The following FSIP2 variants were observed in gnomAD, a reference collection of about 807,000 sequenced individuals.
FSIP2 encodes the protein fibrous sheath interacting protein 2.
A neutral mutation model predicts 510.5 loss-of-function variants in FSIP2; 367 were observed. The observed-to-expected ratio is 0.72, with a 90% CI of 0.66 to 0.78. FSIP2 has a LOEUF of 0.78. Ranked by LOEUF, FSIP2 falls within the 30% of genes least tolerant of loss-of-function variation. The pLI, the probability that FSIP2 is intolerant of heterozygous loss-of-function variation, is 0.00. For missense variants in FSIP2, 7,594 were observed against 7,901.7 expected, an observed-to-expected ratio of 0.96 and a Z score of 1.48; for synonymous variants, 2,601 against 2,732.2, an observed-to-expected ratio of 0.95 and a Z score of 1.50.
At chr2:185,744,710 A>G in intron 4 of FSIP2, 1 of 156,242 alleles carries the variant, frequency 6.4e-6, no homozygotes, top group Non-Finnish European at 1.4e-5. Flanking sequence ...AATAACAAAC[A>G]TCTCTTGTGG....
rs1334348595 is a variant in FSIP2, at chr2:185,788,932, T to C, written c.1796T>C (p.Ile599Thr). 6.5e-7 allele frequency: 1 copy of C among 1,534,924 alleles called. No homozygotes were observed. The highest frequency in any genetic ancestry group is 1.4e-5 in the African/African-American group (1 of 72,924). Reference protein sequence around the residue: ...DTSVRRPTTPIKPPPAHVEKT... With the variant: ...DTSVRRPTTPTKPPPAHVEKT... Reference sequence around the variant, plus strand: ...TCAGTAAGGAGACCAACCACACCTATAAAACCTCCTCCTGCACATGTGGAA... The same window carrying C: ...TCAGTAAGGAGACCAACCACACCTACAAAACCTCCTCCTGCACATGTGGAA... The change falls in exon 16 of 23, where the codon ATA becomes ACA. Residue 599 changes from isoleucine to threonine, a missense_variant. Coordinates refer to ENST00000424728, the MANE Select transcript of FSIP2 (RefSeq NM_173651.4).
chr2:185,745,539 T>A lies in FSIP2; in HGVS notation c.588T>A (p.Ile196=), dbSNP rs1692011917. The A allele has an allele frequency of 6.5e-7, 1 of 1,535,692 alleles. No homozygotes were observed. ...TGTTAAAGGAGGGCACTGAATCTATTAAGGACCAGGAGCGGCTGATGAGGC... is the reference window on the plus strand; with the variant it reads ...TGTTAAAGGAGGGCACTGAATCTATAAAGGACCAGGAGCGGCTGATGAGGC... ...NWLLKEGTES[I]KDQERLMRHR... is the part of the protein sequence containing the mutation. The change falls in exon 5 of 23, where the codon ATT becomes ATA. Residue 196 remains isoleucine (I), a synonymous_variant. Coordinates refer to ENST00000424728, the MANE Select transcript of FSIP2 (RefSeq NM_173651.4).
chr2:185,806,193 A>T lies in FSIP2; in HGVS notation c.16887A>T (p.Leu5629Phe). The T allele has an allele frequency of 6.3e-7, 1 of 1,593,410 alleles. No homozygotes were observed. The highest frequency in any genetic ancestry group is 8.5e-7 in the Non-Finnish European group (1 of 1,173,714). ...AAAAAGATGACAAGCTCTTTCAGTT[A>T]TCCTCCTTGAAGTCCAAGAGAAATC... ...SFKKDDKLFQ[L>F]SSLKSKRNLG... The change falls in exon 17 of 23, where the codon TTA becomes TTT. Residue 5629 changes from leucine (L) to phenylalanine (F), a missense_variant. Coordinates refer to ENST00000424728, the MANE Select transcript of FSIP2 (RefSeq NM_173651.4).
intron 13 of FSIP2, 110 bp downstream of exon 13, chr2:185,764,675 TC>T: frequency 1.3e-6 from 1 of 780,852 alleles, no homozygotes; most frequent in Non-Finnish European, 2.0e-6. Context: ...TTTTAATCAT[TC>T]AAGGAAAAAT....
Position 185,791,053 on chromosome 2 carries a change from T to A in FSIP2, c.3917T>A (p.Ile1306Asn), listed in dbSNP as rs1026215318. ...ATAGTAAACATTGTTTTATGTGCTA[T>A]CCAGAATGAACTGGAACTTCACAAG... ...AKIVNIVLCA[I>N]QNELELHKEN... Residue 1306 changes from isoleucine to asparagine, a missense_variant, in exon 16 of 23, where the codon ATC becomes AAC. Physicochemically the swap from Ile to Asn is moderately radical, Grantham distance 149. Coordinates refer to ENST00000424728, the MANE Select transcript of FSIP2 (RefSeq NM_173651.4). 3.3e-6 allele frequency: 5 copies of A among 1,532,422 alleles called. No individual in the cohort carries two copies. Among genetic ancestry groups the A allele is most frequent in the Non-Finnish European group, 3.5e-6 (4 of 1,144,856 alleles). The allele number at this position is 1,532,422 out of a possible 1,614,324, so 94.9% of individuals were successfully genotyped here.
chr2:185,758,526 GAAGAGAAAATGTAATGTATTTACTATT>G (rs1378626701), intron 9 of FSIP2, among the ~76,000 whole-genome samples: 1 of 151,224 alleles, frequency 6.6e-6, no homozygotes, highest in African/African-American at 2.4e-5. Flanking sequence ...AAAGTCATAG[GAAGAGAAAATGTAATGTATTTACTATT>G]AAGTGAAAAT....
At position 185,805,900 on chromosome 2, in the gene FSIP2, CAT is replaced by C. The variant is rs778063453; in HGVS notation, c.16596_16597del (p.His5532GlnfsTer2). The C allele has an allele frequency of 1.2e-6, 2 of 1,606,512 alleles. No individual in the cohort carries two copies. Among genetic ancestry groups the C allele is most frequent in the Non-Finnish European group, 8.5e-7 (1 of 1,177,038 alleles). On this transcript the variant is annotated frameshift_variant, in exon 17 of 23. Coordinates refer to ENST00000424728, the MANE Select transcript of FSIP2 (RefSeq NM_173651.4). LOFTEE classifies it high-confidence loss of function. ...TAAAGTGGGAATTTGTACTCAAAAA[CAT>C]AGTGAGAATGTATCAAAAGTTACTT... ...ENKVGICTQK[H>X]SENVSKVTST...
intron 19 of FSIP2, among the ~76,000 whole-genome samples, chr2:185,818,070 C>G (rs985608272): frequency 6.6e-6 from 1 of 151,908 alleles, no homozygotes; most frequent in Non-Finnish European, 1.5e-5. Context: ...TTGATAATCA[C>G]ACTTGCATGC....
intron 9 of FSIP2, among the ~76,000 whole-genome samples, chr2:185,759,088 G>C (rs1280610849): frequency 6.6e-6 from 1 of 151,048 alleles, no homozygotes; most frequent in Admixed American, 6.6e-5. Flanking sequence ...AGTGGTGATT[G>C]TGTACATCTT....
chr2:185,793,738 C>A lies in FSIP2; in HGVS notation c.6602C>A (p.Pro2201His), dbSNP rs1399454152. Residue 2201 changes from proline (P) to histidine (H), a missense_variant, in exon 16 of 23, where the codon CCT becomes CAT. Pro to His is a moderately conservative substitution (Grantham distance 77). Coordinates refer to ENST00000424728, the MANE Select transcript of FSIP2 (RefSeq NM_173651.4). Reference sequence around the variant, plus strand: ...TTTCCAAAAATAGACTGTCAACAGCCTCTTAAGGGGTCAAAAACTGAAAGA... The same window carrying A: ...TTTCCAAAAATAGACTGTCAACAGCATCTTAAGGGGTCAAAAACTGAAAGA... Reference protein sequence around the residue: ...DTFPKIDCQQPLKGSKTERKT... With the variant: ...DTFPKIDCQQHLKGSKTERKT... 6.5e-7 allele frequency: 1 copy of A among 1,534,206 alleles called. No homozygotes were observed. Among genetic ancestry groups the A allele is most frequent in the Non-Finnish European group, 8.7e-7 (1 of 1,145,644 alleles).
chr2:185,813,380 G>T (rs763733806), intron 17 of FSIP2, among the ~76,000 whole-genome samples, 165 bp from the exon 18 acceptor site: 1 of 151,766 alleles, frequency 6.6e-6, no homozygotes, highest in Non-Finnish European at 1.5e-5. Flanking sequence ...TTTGTTATTT[G>T]TCTTTATTTC....
chr2:185,771,382 T>C (rs1222708744), intron 13 of FSIP2, among the ~76,000 whole-genome samples: 1 of 152,250 alleles, frequency 6.6e-6, no homozygotes, highest in African/African-American at 2.4e-5. Context: ...ATACATACTC[T>C]GAAATCTATA....
chr2:185,806,222 G>C lies in FSIP2; in HGVS notation c.16916G>C (p.Gly5639Ala), dbSNP rs1484321017. ...TCCTTGAAGTCCAAGAGAAATCTAGGGACTACAACAGATACTTTGGAAATA... is the reference window on the plus strand; with the variant it reads ...TCCTTGAAGTCCAAGAGAAATCTAGCGACTACAACAGATACTTTGGAAATA... Reference protein sequence around the residue: ...LSSLKSKRNLGTTTDTLEIRI... With the variant: ...LSSLKSKRNLATTTDTLEIRI... Residue 5639 changes from glycine to alanine, a missense_variant, in exon 17 of 23, where the codon GGG (glycine) becomes GCG (alanine). Transcript: ENST00000424728. 2 of 1,606,886 alleles carry C rather than the reference G, an allele frequency of 1.2e-6. No individual in the cohort carries two copies. Among genetic ancestry groups the C allele is most frequent in the Non-Finnish European group, 1.7e-6 (2 of 1,177,174 alleles).
chr2:185,808,781 C>T lies in FSIP2; in HGVS notation c.19475C>T (p.Ala6492Val), dbSNP rs764876834. Residue 6492 changes from alanine (A) to valine (V), a missense_variant, in exon 17 of 23, where the codon GCC becomes GTC. Transcript: ENST00000424728. The part of the protein sequence containing the change: ...ELDVNRIVQK[A>V]QEHAFNVIPE... The stretch of plus-strand genomic sequence containing the variant: ...GACGTTAATAGAATTGTTCAAAAGG[C>T]CCAAGAACATGCTTTTAATGTGATT... The T allele has an allele frequency of 1.2e-6, 2 of 1,612,570 alleles. No homozygotes were observed. Among genetic ancestry groups the T allele is most frequent in the South Asian group, 2.2e-5 (2 of 90,862 alleles).
rs1030997905 is a variant in FSIP2 at position 185,738,931 on chromosome 2, A to G, written c.37A>G (p.Lys13Glu). ...LYLGACSKPA[K>E]VAVTKTVASV... The stretch of plus-strand genomic sequence containing the variant: ...CCTCGGCGCCTGCTCCAAGCCTGCC[A>G]AAGTCGCCGTCACCAAGACGGTCGC... The change falls in exon 1 of 23, where the codon AAA becomes GAA. Residue 13 changes from lysine (K) to glutamate (E), a missense_variant. Transcript: ENST00000424728. 4.6e-6 allele frequency: 7 copies of G among 1,534,716 alleles called. No individual in the cohort carries two copies. Among genetic ancestry groups the G allele is most frequent in the Non-Finnish European group, 6.1e-6 (7 of 1,146,672 alleles).
At position 185,796,021 on chromosome 2, in the gene FSIP2, A is replaced by G; in HGVS notation, c.8885A>G (p.Asn2962Ser). 1 of 1,533,888 alleles carries G rather than the reference A, an allele frequency of 6.5e-7. No homozygotes were observed. The highest frequency in any genetic ancestry group is 1.2e-5 in the South Asian group (1 of 83,624). Residue 2962 changes from asparagine (N) to serine (S), a missense_variant, in exon 16 of 23, where the codon AAC (asparagine) becomes AGC (serine). Transcript: ENST00000424728. ...ITAKSKYGFPNKHSLSSLPIY... is the reference protein window; with the variant it reads ...ITAKSKYGFPSKHSLSSLPIY... The stretch of plus-strand genomic sequence containing the variant: ...GCTAAAAGTAAATATGGTTTTCCAA[A>G]CAAGCATAGCCTCAGCAGTTTACCA...
chr2:185,762,287 TA>T (rs2105558702), intron 11 of FSIP2, among the ~76,000 whole-genome samples: 1 of 151,380 alleles, frequency 6.6e-6, no homozygotes, highest in African/African-American at 2.4e-5. Context: ...GACGCTGGCA[TA>T]GTGGCTTCAG....
intron 13 of FSIP2, among the ~76,000 whole-genome samples, chr2:185,776,913 C>G (rs1692737020): frequency 1.3e-5 from 2 of 151,842 alleles, no homozygotes; most frequent in Non-Finnish European, 2.9e-5. Context: ...TAGTAGAGAC[C>G]AGGTTTCGCC....
rs1377174296 is a variant in FSIP2, at chr2:185,804,455, C to A, written c.15149C>A (p.Thr5050Lys). The part of the protein sequence containing the change: ...IQIHRVIQSD[T>K]ICFGRKIYYL... Reference sequence around the variant, plus strand: ...ATACATAGGGTTATACAAAGTGACACAATATGTTTTGGTAGGAAAATATAT... The same window carrying A: ...ATACATAGGGTTATACAAAGTGACAAAATATGTTTTGGTAGGAAAATATAT... Residue 5050 changes from threonine to lysine, a missense_variant, in exon 17 of 23, where the codon ACA becomes AAA. Thr to Lys is a moderately conservative substitution (Grantham distance 78). Transcript: ENST00000424728. 6.6e-7 allele frequency: 1 copy of A among 1,516,140 alleles called. No homozygotes were observed. Among genetic ancestry groups the A allele is most frequent in the East Asian group, 2.5e-5 (1 of 40,712 alleles). The allele number at this position is 1,516,140 out of a possible 1,614,324, so 93.9% of individuals were successfully genotyped here. A position where few individuals can be genotyped will look rare whatever the true frequency, so the allele number is the denominator to read the frequency against.
Sources: allele counts gnomAD v4.1 joint callset (sites outside exome capture counted in the v4.1 genomes callset), GRCh38; gene constraint gnomAD v4.1.1; transcripts MANE v1.5; gene names NCBI Gene and HGNC (gene_info 2026-07-23, HGNC 2026-07-21).